Variants in HIP1R observed in about 807,000 individuals in gnomAD.
HIP1R encodes huntingtin interacting protein 1 related.
In HIP1R, 135 loss-of-function variants were observed where a neutral mutation model predicts 144.2. The ratio of observed to expected loss-of-function variants is 0.94; its 90% CI spans 0.81 to 1.08. HIP1R has a LOEUF of 1.08. Among genes scored for constraint, HIP1R ranks in the 50% least tolerant of loss-of-function variants. The pLI, the probability that HIP1R is intolerant of heterozygous loss-of-function variation, is 0.00. For missense variants in HIP1R, 1,462 were observed against 1,432.8 expected, an observed-to-expected ratio of 1.02 and a Z score of -0.33; for synonymous variants, 698 against 612.8, an observed-to-expected ratio of 1.14 and a Z score of -2.05.
In HIP1R at chr12:122,859,170, C is replaced by G; in HGVS notation, c.2268C>G (p.Pro756=). Residue 756 remains proline (P), a synonymous_variant, in exon 22 of 32, where the codon CCC becomes CCG. Transcript: ENST00000253083. The part of the protein sequence containing the change: ...RHMQASLVRT[P]LQGILQLGQE... Reference sequence around the variant, plus strand: ...TGCAGGCCAGCCTGGTGCGGACACCCCTGCAGGGCATCCTTCAGCTGGGCC... The same window carrying G: ...TGCAGGCCAGCCTGGTGCGGACACCGCTGCAGGGCATCCTTCAGCTGGGCC... The G allele has an allele frequency of 6.3e-7, 1 of 1,576,054 alleles. No homozygotes were observed. The highest frequency in any genetic ancestry group is 8.6e-7 in the Non-Finnish European group (1 of 1,161,684).
At position 122,861,501 on chromosome 12, in the gene HIP1R, G is replaced by C; in HGVS notation, c.3146G>C (p.Arg1049Thr). The C allele has an allele frequency of 6.2e-7, 1 of 1,611,782 alleles. No individual in the cohort carries two copies. Among genetic ancestry groups the C allele is most frequent in the East Asian group, 2.2e-5 (1 of 44,834 alleles). Residue 1049 changes from arginine to threonine, a missense_variant, in exon 31 of 32, where the codon AGA becomes ACA. Arg to Thr is a moderately conservative substitution (Grantham distance 71). Transcript: ENST00000253083. ...PLAQKPSVAP[R>T]QDHQLDKKDG... The stretch of plus-strand genomic sequence containing the variant: ...GCCCAGAAGCCCAGCGTGGCCCCCA[G>C]ACAGGACCACCAGGTGCCGTCTGCA...
chr12:122,856,798 C>G, intron 17 of HIP1R, 72 bp downstream of exon 17: 1 of 1,319,850 alleles, frequency 7.6e-7, no homozygotes, highest in East Asian at 2.5e-5. Flanking sequence ...TCCTCTTTCC[C>G]GTGAACAGGC....
chr12:122,851,536 A>G (rs1001517240), intron 7 of HIP1R, among the ~76,000 whole-genome samples: 2 of 151,912 alleles, frequency 1.3e-5, no homozygotes, highest in African/African-American at 4.8e-5. Context: ...TGTCTCTACT[A>G]AAAAAATATA....
At position 122,835,545 on chromosome 12, in the gene HIP1R, G is replaced by T; in HGVS notation, c.-6G>T. The T allele has an allele frequency of 7.5e-7, 1 of 1,339,056 alleles. No individual in the cohort carries two copies. The highest frequency in any genetic ancestry group is 9.6e-7 in the Non-Finnish European group (1 of 1,037,744). 82.9% of individuals were successfully genotyped at this position (1,339,056 alleles called of 1,614,324 possible). A position where few individuals can be genotyped will look rare whatever the true frequency, so the allele number is the denominator to read the frequency against. On this transcript the variant is annotated 5_prime_UTR_variant, in exon 1 of 32. Transcript: ENST00000253083. ...GAGCCGGACAAAAGCGGGCGGCGGC[G>T]GCAGGATGAACAGCATCAAGAACGT... is the stretch of plus-strand genomic sequence containing the variant.
intron 1 of HIP1R, among the ~76,000 whole-genome samples, chr12:122,838,116 TTGCTTTCCTGTG>T (rs2032958236): frequency 6.6e-6 from 1 of 152,148 alleles, no homozygotes; most frequent in Non-Finnish European, 1.5e-5. Context: ...AGGAAGATAA[TTGCTTTCCTGTG>T]AGCTTTTTTG....
chr12:122,847,123 C>T (rs977389811), intron 1 of HIP1R, among the ~76,000 whole-genome samples: 1 of 152,082 alleles, frequency 6.6e-6, no homozygotes, highest in Non-Finnish European at 1.5e-5. Flanking sequence ...GACAGCTCTT[C>T]TCAGGTCACA....
Position 122,860,668 on chromosome 12 carries a change from T to C in HIP1R, c.2661-11T>C. The C allele has an allele frequency of 6.2e-7, 1 of 1,611,936 alleles. No homozygotes were observed. The highest frequency in any genetic ancestry group is 8.5e-7 in the Non-Finnish European group (1 of 1,178,698). Reference sequence around the variant, plus strand: ...CAGAGACCCTGGCCCTGACTGGCCCTTGACCCGCAGGGAGGCAGCTGACAA... The same window carrying C: ...CAGAGACCCTGGCCCTGACTGGCCCCTGACCCGCAGGGAGGCAGCTGACAA... On this transcript the variant is annotated splice_polypyrimidine_tract_variant and intron_variant, in intron 27 of 31. Transcript: ENST00000253083.
At position 122,858,424 on chromosome 12, in the gene HIP1R, C is replaced by A. The variant is rs754954664; in HGVS notation, c.2039C>A (p.Thr680Asn). 4 of 1,606,582 alleles carry A rather than the reference C, an allele frequency of 2.5e-6. No homozygotes were observed. The highest frequency in any genetic ancestry group is 3.4e-6 in the Non-Finnish European group (4 of 1,175,634). ...GAGGAGGGCCACGCCCAGTACCTGA[C>A]CTCCTTGGCAGGTGAGTGTAGCCAG... ...TLEEGHAQYL[T>N]SLADASALVA... Residue 680 changes from threonine (T) to asparagine (N), a missense_variant, in exon 20 of 32, where the codon ACC becomes AAC. Physicochemically the swap from Thr to Asn is moderately conservative, Grantham distance 65. Around this residue, in one of 2 missense-constraint regions of HIP1R, gnomAD observed 1,112 missense variants for 1,011.7 expected, o/e 1.10. Transcript: ENST00000253083.
chr12:122,852,974 C>T (rs531887059), intron 7 of HIP1R, among the ~76,000 whole-genome samples: 1 of 152,316 alleles, frequency 6.6e-6, no homozygotes, highest in South Asian at 2.1e-4. Flanking sequence ...CCCTCCCCCC[C>T]AGGCTCTCTC....
At position 122,861,854 on chromosome 12, in the gene HIP1R, C is replaced by A; in HGVS notation, c.*101C>A. On this transcript the variant is annotated 3_prime_UTR_variant, in exon 32 of 32. Transcript: ENST00000253083. ...TTGCCCCTCCACCTGGTGCCCAAGC[C>A]TCCCGCCCCACCGTCTGGATCAATG... The A allele has an allele frequency of 9.2e-7, 1 of 1,084,348 alleles. No homozygotes were observed. Among genetic ancestry groups the A allele is most frequent in the Non-Finnish European group, 1.4e-6 (1 of 730,176 alleles). 67.2% of individuals were successfully genotyped at this position (1,084,348 alleles called of 1,614,324 possible).
chr12:122,847,982 C>T (rs753589603), intron 1 of HIP1R, 49 bp from the exon 2 acceptor site: 10 of 1,592,140 alleles, frequency 6.3e-6, no homozygotes, highest in Non-Finnish European at 6.9e-6. Flanking sequence ...GTGGTGTCTC[C>T]TGGGGTGGCT....
chr12:122,856,548 G>GGT lies in HIP1R; in HGVS notation c.1518+1_1518+2dup. 3.1e-6 allele frequency: 5 copies of GGT among 1,601,138 alleles called. No individual in the cohort carries two copies. The South Asian group carries it at 5.6e-5, about 18-fold the overall frequency. On this transcript the variant is annotated frameshift_variant and splice_region_variant. Transcript: ENST00000253083. LOFTEE classifies it high-confidence loss of function. ...AGGTGAAGCGGGAGTCGGAGTTGAA[G>GGT]GTATGTCCCTTGTGGCACAGGGCCC...
intron 25 of HIP1R, 24 bp downstream of exon 25, chr12:122,860,101 G>T (rs1333035941): frequency 8.9e-6 from 14 of 1,581,070 alleles, no homozygotes; most frequent in African/African-American, 1.3e-5. Flanking sequence ...ACCCGGGGGG[G>T]TCTGCACCTG....
Position 122,854,100 on chromosome 12 carries a change from G to T in HIP1R, c.635G>T (p.Arg212Leu). The T allele has an allele frequency of 6.2e-7, 1 of 1,613,718 alleles. No homozygotes were observed. Among genetic ancestry groups the T allele is most frequent in the Non-Finnish European group, 8.5e-7 (1 of 1,179,848 alleles). The part of the protein sequence containing the change: ...AVSQMSSGQC[R>L]LAPLIQVIQD... ...TCCCAGATGTCCTCAGGCCAGTGCC[G>T]CCTGGCCCCCCTCATCCAGGTCATC... The change falls in exon 8 of 32, where the codon CGC becomes CTC. Residue 212 changes from arginine to leucine, a missense_variant. This residue lies in a region of HIP1R where 350 missense variants were observed against 421.1 expected (regional missense o/e 0.83). Coordinates refer to ENST00000253083, the MANE Select transcript of HIP1R (RefSeq NM_003959.3).
chr12:122,853,993 T>A, intron 7 of HIP1R, 50 bp from the exon 8 acceptor site: 1 of 1,588,328 alleles, frequency 6.3e-7, no homozygotes, highest in Non-Finnish European at 8.6e-7. Flanking sequence ...CTTGGACAGG[T>A]TGCCCAGCTC....
intron 7 of HIP1R, 81 bp from the exon 8 acceptor site, chr12:122,853,962 C>T (rs2033476337): frequency 2.0e-6 from 3 of 1,497,178 alleles, no homozygotes; most frequent in African/African-American, 1.4e-5. Context: ...GGCTTAGGGC[C>T]CTGCTTCACA....
At chr12:122,851,515 T>A (rs1295574458) in intron 7 of HIP1R, among the ~76,000 whole-genome samples, 1 of 151,926 alleles carries the variant, frequency 6.6e-6, no homozygotes, top group African/African-American at 2.4e-5. Flanking sequence ...CTGGCCAACA[T>A]GGTGAAACCC....
intron 3 of HIP1R, 30 bp from the exon 4 acceptor site, chr12:122,848,766 T>G: frequency 1.2e-6 from 2 of 1,612,150 alleles, no homozygotes; most frequent in Non-Finnish European, 1.7e-6. Flanking sequence ...TCCTGGACAC[T>G]CCCCCACTCC....
chr12:122,852,862 G>C (rs967808722), intron 7 of HIP1R, among the ~76,000 whole-genome samples: 4 of 152,198 alleles, frequency 2.6e-5, no homozygotes, highest in African/African-American at 9.7e-5. Flanking sequence ...TACTTTATGT[G>C]TGCTGTAATT....
Sources: allele counts gnomAD v4.1 joint callset (sites outside exome capture counted in the v4.1 genomes callset), GRCh38; gene constraint gnomAD v4.1.1; regional missense constraint gnomAD v4.1.1; transcripts MANE v1.5; gene names NCBI Gene and HGNC (gene_info 2026-07-23, HGNC 2026-07-21).